Variants in WDR20 observed in about 807,000 individuals in gnomAD.
WDR20 encodes the protein WD repeat-containing protein 20.
In WDR20, 3 loss-of-function variants were observed where a neutral mutation model predicts 38.7. The ratio of observed to expected loss-of-function variants is 0.08; its 90% CI spans 0.04 to 0.20. WDR20 has a LOEUF of 0.20. WDR20 is among the 10% of genes least tolerant of loss of function. WDR20 has a pLI of 1.00. For missense variants in WDR20, 559 were observed against 727.7 expected (o/e 0.77, Z 2.67); for synonymous variants, 298 against 285.6 (o/e 1.04, Z -0.44).
chr14:102,209,169 C>T lies in WDR20; in HGVS notation c.999C>T (p.Asp333=), dbSNP rs1357243427. 1.2e-6 allele frequency: 2 copies of T among 1,614,044 alleles called. No homozygotes were observed. Among genetic ancestry groups the T allele is most frequent in the African/African-American group, 2.7e-5 (2 of 74,902 alleles). The stretch of plus-strand genomic sequence containing the variant: ...TGGAGTTTAGTGGCAGCGATGAGGA[C>T]TTCCAAGACCTTCTTCATTTTGGCA... ...DPMEFSGSDE[D]FQDLLHFGRD... is the part of the protein sequence containing the mutation. The change falls in exon 3 of 3, where the codon GAC becomes GAT. Residue 333 remains aspartate (D), a synonymous_variant. Transcript: ENST00000342702. The surrounding 1 kb of genome is among the most constrained non-coding windows in gnomAD (Gnocchi z 6.0).
intron 1 of WDR20, among the ~76,000 whole-genome samples, chr14:102,144,383 G>A (rs1248457253): frequency 6.6e-6 from 1 of 151,602 alleles, no homozygotes; most frequent in Admixed American, 6.6e-5. Flanking sequence ...TCGGGAGGCC[G>A]AGGCAGGAGA....
chr14:102,212,703 C>G (rs570738886), downstream of WDR20: 4 of 1,487,816 alleles, frequency 2.7e-6, no homozygotes, highest in Admixed American at 6.4e-5. Context: ...GAGGGGTGGC[C>G]GCGGTGGTTC....
At chr14:102,155,937 A>ATTTT (rs372247826) in intron 1 of WDR20, among the ~76,000 whole-genome samples, 2 of 133,288 alleles carry the variant, frequency 1.5e-5, no homozygotes, top group African/African-American at 2.8e-5. Context: ...CTAATTTTTA[A>ATTTT]TTTTTTTTTT....
At chr14:102,199,568 G>A (rs1297862001) in intron 2 of WDR20, among the ~76,000 whole-genome samples, 3 of 152,140 alleles carry the variant, frequency 2.0e-5, no homozygotes, top group Non-Finnish European at 2.9e-5. Flanking sequence ...TGGCCTTTCA[G>A]TGTTCCTCAC....
chr14:102,167,731 TAAG>T (rs2060039503), intron 1 of WDR20: 1 of 152,198 alleles, frequency 6.6e-6, no homozygotes, highest in African/African-American at 2.4e-5. Flanking sequence ...AGTAATTAAA[TAAG>T]AAATTGAAAT....
chr14:102,149,882 T>C (rs1465400287), intron 1 of WDR20, among the ~76,000 whole-genome samples: 1 of 152,088 alleles, frequency 6.6e-6, no homozygotes, highest in East Asian at 1.9e-4. Context: ...TTAGTAGAGA[T>C]GGGGTTTCAC....
intron 1 of WDR20, among the ~76,000 whole-genome samples, chr14:102,174,893 T>G (rs765731597): frequency 6.6e-6 from 1 of 152,204 alleles, no homozygotes; most frequent in Non-Finnish European, 1.5e-5. Context: ...CACTTTTTGA[T>G]GGGATTATTA....
intron 1 of WDR20, among the ~76,000 whole-genome samples, chr14:102,176,640 T>C (rs190376390): frequency 4.2e-3 from 634 of 152,172 alleles, no homozygotes; most frequent in Middle Eastern, 0.01. Flanking sequence ...ATATTCTTTC[T>C]GGTTTTGGGT....
chr14:102,152,420 C>CTTTT (rs35441566), intron 1 of WDR20, among the ~76,000 whole-genome samples: 22 of 145,280 alleles, frequency 1.5e-4, no homozygotes, highest in African/African-American at 5.6e-4. Flanking sequence ...CAGGGTCTCT[C>CTTTT]TTTTTTTTTT....
rs2062149399 is a variant in WDR20, at chr14:102,209,508, A to G, written c.1338A>G (p.Lys446=). The G allele has an allele frequency of 6.2e-7, 1 of 1,614,056 alleles. No homozygotes were observed. The highest frequency in any genetic ancestry group is 1.3e-5 in the African/African-American group (1 of 74,912). The stretch of plus-strand genomic sequence containing the variant: ...CAGCAGTCTCAAATGCTGGCAGCAA[A>G]AGCAGTGTCATGGACGGGGCCATTG... The part of the protein sequence containing the change: ...PHSAVSNAGS[K]SSVMDGAIAS... Residue 446 remains lysine (K), a synonymous_variant, in exon 3 of 3, where the codon AAA becomes AAG. Transcript: ENST00000342702. This position sits in a 1 kb window ranked among gnomAD's most constrained non-coding sequence, Gnocchi z 6.0.
intron 1 of WDR20, among the ~76,000 whole-genome samples, chr14:102,144,107 G>C (rs1184884832): frequency 6.6e-6 from 1 of 152,026 alleles, no homozygotes; most frequent in Non-Finnish European, 1.5e-5. Context: ...GAGCCGAAGA[G>C]TTAAGGTTAC....
chr14:102,214,093 G>T, downstream of WDR20: 3 of 985,532 alleles, frequency 3.0e-6, no homozygotes, highest in Non-Finnish European at 2.4e-6. Context: ...GGCGGCGGTC[G>T]GTGTGCCCTT....
chr14:102,183,984 T>C (rs2063967499), intron 1 of WDR20, among the ~76,000 whole-genome samples: 1 of 152,220 alleles, frequency 6.6e-6, no homozygotes, highest in Non-Finnish European at 1.5e-5. Flanking sequence ...GAATTTGAAA[T>C]CATCTTTTGC....
intron 1 of WDR20, among the ~76,000 whole-genome samples, chr14:102,185,541 G>C (rs529783379): frequency 6.6e-6 from 1 of 152,082 alleles, no homozygotes; most frequent in Non-Finnish European, 1.5e-5. Context: ...TCTACCACTG[G>C]GTTCCTCTGG....
intron 1 of WDR20, among the ~76,000 whole-genome samples, chr14:102,162,167 CCAGATGTAATAGA>C (rs2058881944): frequency 1.3e-5 from 2 of 152,104 alleles, no homozygotes; most frequent in Non-Finnish European, 2.9e-5. Context: ...GTTTTGGGAC[CCAGATGTAATAGA>C]CATAGTTCTT....
At position 102,209,404 on chromosome 14, in the gene WDR20, G is replaced by A. The variant is rs1222650501; in HGVS notation, c.1234G>A (p.Gly412Arg). The A allele has an allele frequency of 1.1e-5, 18 of 1,614,044 alleles. No homozygotes were observed. The highest frequency in any genetic ancestry group is 1.4e-5 in the Non-Finnish European group (17 of 1,180,050). The change falls in exon 3 of 3, where the codon GGA becomes AGA. Residue 412 changes from glycine to arginine, a missense_variant. Physicochemically the swap from Gly to Arg is moderately radical, Grantham distance 125. Coordinates refer to ENST00000342702, the MANE Select transcript of WDR20 (RefSeq NM_144574.4). The surrounding 1 kb of genome is among the most constrained non-coding windows in gnomAD (Gnocchi z 6.0). ...NVMNATSPPAGSNGNSVTTPG... is the reference protein window; with the variant it reads ...NVMNATSPPARSNGNSVTTPG... ...CATGAATGCCACGAGTCCTCCTGCT[G>A]GAAGCAATGGGAACAGTGTTACAAC...
At chr14:102,166,794 A>G (rs1448445694) in intron 1 of WDR20, among the ~76,000 whole-genome samples, 1 of 151,234 alleles carries the variant, frequency 6.6e-6, no homozygotes, top group East Asian at 1.9e-4. Context: ...CCTTTACCTC[A>G]CTCCCTCCAC....
At chr14:102,149,598 T>C (rs1225079193) in intron 1 of WDR20, among the ~76,000 whole-genome samples, 1 of 152,254 alleles carries the variant, frequency 6.6e-6, no homozygotes, top group Non-Finnish European at 1.5e-5. Flanking sequence ...GAGCGTAAGA[T>C]GTCCACTGCT....
chr14:102,193,292 G>A (rs1001523948), intron 1 of WDR20, among the ~76,000 whole-genome samples: 4 of 152,094 alleles, frequency 2.6e-5, no homozygotes, highest in Non-Finnish European at 4.4e-5. Flanking sequence ...CTGCTCACTC[G>A]CAGCACTCGG....
Sources: gnomAD v4.1 joint callset for allele counts (sites outside exome capture counted in the v4.1 genomes callset) on GRCh38, gnomAD v4.1.1 for gene constraint, Gnocchi (gnomAD v3.1) non-coding constraint, MANE v1.5 for transcripts, NCBI Gene and HGNC (gene_info 2026-07-23, HGNC 2026-07-21) for gene names.